The following HECA variants were observed in gnomAD, a reference collection of about 807,000 sequenced individuals.
HECA encodes the protein headcase protein homolog.
HECA carries 13 observed loss-of-function variants against 37.6 expected under a neutral mutation model. The observed-to-expected ratio is 0.35, with a 90% CI of 0.23 to 0.55. The LOEUF is 0.55. Among genes scored for constraint, HECA ranks in the 20% least tolerant of loss-of-function variants. HECA has a pLI of 0.90. For synonymous variants in HECA, 307 were observed against 291.5 expected (o/e 1.05, Z -0.54); for missense variants, 527 against 701.9 (o/e 0.75, Z 2.82).
At position 139,176,905 on chromosome 6, in the gene HECA, A is replaced by G. The variant is rs750405250; in HGVS notation, c.1468-36A>G. 1.2e-6 allele frequency: 1 copy of G among 849,330 alleles called. No homozygotes were observed. The highest frequency in any genetic ancestry group is 1.3e-5 in the South Asian group (1 of 75,172). The allele number at this position is 849,330 out of a possible 1,614,324, so 52.6% of individuals were successfully genotyped here. A position where few individuals can be genotyped will look rare whatever the true frequency, so the allele number is the denominator to read the frequency against. On this transcript the variant is annotated intron_variant, in intron 3 of 3. Transcript: ENST00000367658. This position sits in a 1 kb window ranked among gnomAD's most constrained non-coding sequence, Gnocchi z 4.5. ...GACTTTGACAAGTGTTGGGAAGTGG[A>G]GGGGTGTTGTGGCTGATGGTGTCTG...
intron 3 of HECA, 132 bp downstream of exon 3, chr6:139,174,671 T>A: frequency 1.5e-6 from 2 of 1,316,678 alleles, no homozygotes; most frequent in Non-Finnish European, 2.0e-6. Context: ...CTACTTGTAA[T>A]GTAGTCATTT....
chr6:139,167,092 G>A lies in HECA; in HGVS notation c.1080G>A (p.Lys360=). The change falls in exon 2 of 4, where the codon AAG becomes AAA. Residue 360 remains lysine, a synonymous_variant. Transcript: ENST00000367658. Reference sequence around the variant, plus strand: ...TCCTCACTCACATCCCCAGGCATAAGCTGAACACTTTCCACGTGCGCATGG... The same window carrying A: ...TCCTCACTCACATCCCCAGGCATAAACTGAACACTTTCCACGTGCGCATGG... ...SELLTHIPRH[K]LNTFHVRMED... The A allele has an allele frequency of 1.2e-6, 2 of 1,614,214 alleles. No individual in the cohort carries two copies. Among genetic ancestry groups the A allele is most frequent in the African/African-American group, 1.3e-5 (1 of 75,062 alleles).
In HECA at chr6:139,167,158, G is replaced by A. The variant is rs532956161; in HGVS notation, c.1146G>A (p.Lys382=). Residue 382 remains lysine, a synonymous_variant, in exon 2 of 4, where the codon AAG becomes AAA. Coordinates refer to ENST00000367658, the MANE Select transcript of HECA (RefSeq NM_016217.3). ...TGGGCCAGGGGGAAGACTTGCGGAA[G>A]TTCATTCTGGCCGCGCTCAGTGCCA... The part of the protein sequence containing the change: ...AQVGQGEDLR[K]FILAALSASH... 6.2e-7 allele frequency: 1 copy of A among 1,614,192 alleles called. No individual in the cohort carries two copies.
intron 1 of HECA, among the ~76,000 whole-genome samples, chr6:139,160,128 CTG>C (rs994894514): frequency 1.3e-5 from 2 of 152,192 alleles, no homozygotes; most frequent in Non-Finnish European, 2.9e-5. Flanking sequence ...AGACTTGAAA[CTG>C]AGATTTTTGC....
chr6:139,162,857 G>A (rs1050925618), intron 1 of HECA, among the ~76,000 whole-genome samples: 1 of 152,150 alleles, frequency 6.6e-6, no homozygotes, highest in Non-Finnish European at 1.5e-5. Context: ...TTAAGCTGTC[G>A]TGAGGTTTTG....
rs1336873657 is a variant in HECA, at chr6:139,176,251, C to A, written c.1468-690C>A. ...TGCTTTATCACATGTGCCTCAGTTG[C>A]ATTATCTAAAAGTCAGCTAATACTA... On this transcript the variant is annotated intron_variant, in intron 3 of 3. Transcript: ENST00000367658. This position sits in a 1 kb window ranked among gnomAD's most constrained non-coding sequence, Gnocchi z 4.5. Among the ~76,000 whole-genome samples the A allele has an allele frequency of 1.3e-5, 2 of 152,224 alleles. No individual in the cohort carries two copies. Among genetic ancestry groups the A allele is most frequent in the Non-Finnish European group, 2.9e-5 (2 of 68,036 alleles).
chr6:139,156,250 G>A (rs1345248224), intron 1 of HECA, among the ~76,000 whole-genome samples: 2 of 151,928 alleles, frequency 1.3e-5, no homozygotes, highest in East Asian at 1.9e-4. Flanking sequence ...CACACAGGCT[G>A]TGGTGTAGTA....
chr6:139,168,742 G>A (rs1774930440), intron 2 of HECA, among the ~76,000 whole-genome samples: 1 of 152,092 alleles, frequency 6.6e-6, no homozygotes, highest in Non-Finnish European at 1.5e-5. Flanking sequence ...TCCCCCAGGA[G>A]CTTTTTGAGA....
At chr6:139,145,469 T>C (rs540252760) in intron 1 of HECA, among the ~76,000 whole-genome samples, 1 of 152,330 alleles carries the variant, frequency 6.6e-6, no homozygotes, top group South Asian at 2.1e-4. Flanking sequence ...AAGTGTTCAA[T>C]GTAGTCATAT....
intron 1 of HECA, among the ~76,000 whole-genome samples, chr6:139,150,461 G>T (rs1473511791): frequency 3.2e-5 from 4 of 126,364 alleles, no homozygotes; most frequent in Admixed American, 1.6e-4. Flanking sequence ...GACTTTGGGG[G>T]TGAGAGTGGG....
At chr6:139,145,815 G>C (rs1056985274) in intron 1 of HECA, among the ~76,000 whole-genome samples, 18 of 152,218 alleles carry the variant, frequency 1.2e-4, no homozygotes, top group Admixed American at 1.2e-3. Flanking sequence ...TGAAAGATGC[G>C]ATAGTTTGGT....
intron 1 of HECA, among the ~76,000 whole-genome samples, chr6:139,165,584 C>CT (rs796323871): frequency 0.028 from 3,865 of 138,208 alleles, 156 homozygotes; most frequent in African/African-American, 0.084. Context: ...GTGGCAACCA[C>CT]TTTTTTTTTT....
chr6:139,175,729 G>A (rs1043841874), intron 3 of HECA, among the ~76,000 whole-genome samples: 6 of 152,112 alleles, frequency 3.9e-5, no homozygotes, highest in Non-Finnish European at 8.8e-5. Flanking sequence ...TGCACCGTGT[G>A]ACTCCTGTTC....
chr6:139,164,423 C>T (rs1447003709), intron 1 of HECA, among the ~76,000 whole-genome samples: 1 of 152,002 alleles, frequency 6.6e-6, no homozygotes, highest in Non-Finnish European at 1.5e-5. Flanking sequence ...ACTGAGTGCT[C>T]AGGCCTAGTG....
At chr6:139,138,086 T>C (rs1055327167) in intron 1 of HECA, among the ~76,000 whole-genome samples, 1 of 152,220 alleles carries the variant, frequency 6.6e-6, no homozygotes, top group Non-Finnish European at 1.5e-5. Flanking sequence ...ACTTGGATGC[T>C]GAGGACTCCT....
chr6:139,166,081 A>G (rs1774881134), intron 1 of HECA: 3 of 507,342 alleles, frequency 5.9e-6, no homozygotes, highest in Non-Finnish European at 3.5e-6. Flanking sequence ...TCCTTTTTAG[A>G]GATTCCACCA....
At chr6:139,153,274 TTTAAG>T (rs1250795017) in intron 1 of HECA, 1 of 152,210 alleles carries the variant, frequency 6.6e-6, no homozygotes, top group African/African-American at 2.4e-5. Context: ...CTTGTAAATT[TTTAAG>T]TTGTCACACC....
intron 2 of HECA, among the ~76,000 whole-genome samples, chr6:139,173,211 C>T (rs1347211451): frequency 6.6e-6 from 1 of 152,196 alleles, no homozygotes; most frequent in Non-Finnish European, 1.5e-5. Context: ...GTCATCCTTC[C>T]CCCTTTTGGC....
At chr6:139,158,121 C>G (rs1774742326) in intron 1 of HECA, among the ~76,000 whole-genome samples, 1 of 152,138 alleles carries the variant, frequency 6.6e-6, no homozygotes, top group African/African-American at 2.4e-5. Context: ...CTTTGGGAGG[C>G]TAAGGCAGGA....
Sources: allele counts gnomAD v4.1 joint callset (sites outside exome capture counted in the v4.1 genomes callset), GRCh38; gene constraint gnomAD v4.1.1; non-coding constraint Gnocchi (gnomAD v3.1); transcripts MANE v1.5; gene names NCBI Gene and HGNC (gene_info 2026-07-23, HGNC 2026-07-21).